The following AFG1L variants were observed in gnomAD, a reference collection of about 807,000 sequenced individuals.
The protein encoded by AFG1L is AFG1 like ATPase.
AFG1L carries 53 observed loss-of-function variants against 62.2 expected under a neutral mutation model. The observed-to-expected ratio is 0.85, with a 90% CI of 0.68 to 1.07. The LOEUF is 1.07. Among genes scored for constraint, AFG1L ranks in the 50% least tolerant of loss-of-function variants. The probability of loss-of-function intolerance (pLI) is 0.00; values close to 1 mark genes in which losing one functional copy is unlikely to be tolerated. For synonymous variants in AFG1L, 228 were observed against 210.3 expected (o/e 1.08, Z -0.73); for missense variants, 555 against 590.5 (o/e 0.94, Z 0.62).
chr6:108,512,855 T>C (rs1399854406), intron 11 of AFG1L, among the ~76,000 whole-genome samples: 1 of 152,196 alleles, frequency 6.6e-6, no homozygotes. Context: ...ATTTCAAAAA[T>C]TGGTAGCATT....
chr6:108,400,979 CT>C (rs1162644098), intron 6 of AFG1L, among the ~76,000 whole-genome samples: 2 of 145,544 alleles, frequency 1.4e-5, no homozygotes. Flanking sequence ...TTCTTTTTTT[CT>C]TTTTTTTTGA....
rs539232525 is a variant in AFG1L at position 108,422,477 on chromosome 6, C to CA, written c.807+20445dup. ...ATATTTTTTTAAAATTAGTCCTCAG[C>CA]AAAAAAAAAAAAAAAAAAAAAAGAA... On this transcript the variant is annotated intron_variant, in intron 7 of 12. Transcript: ENST00000368977. Among the ~76,000 whole-genome samples the CA allele has an allele frequency of 8.5e-3, 390 of 45,788 alleles. 9 individuals are homozygous for CA. Among genetic ancestry groups the CA allele is most frequent in the East Asian group, 0.014 (23 of 1,628 alleles). 30.0% of individuals were successfully genotyped at this position (45,788 alleles called of 152,430 possible).
chr6:108,412,833 A>G (rs1409065191), intron 7 of AFG1L, among the ~76,000 whole-genome samples: 1 of 152,162 alleles, frequency 6.6e-6, no homozygotes, highest in East Asian at 1.9e-4. Context: ...AAAGACCATC[A>G]AGGCTAGGAA....
At chr6:108,307,287 C>T (rs533810867) in intron 1 of AFG1L, among the ~76,000 whole-genome samples, 18 of 152,204 alleles carry the variant, frequency 1.2e-4, no homozygotes, top group East Asian at 1.2e-3. Flanking sequence ...GCTAGGATTA[C>T]GGGCGTGAGC....
At chr6:108,511,195 GAGGAGA>G (rs762593783) in intron 11 of AFG1L, among the ~76,000 whole-genome samples, 101 of 151,980 alleles carry the variant, frequency 6.6e-4, no homozygotes, top group Middle Eastern at 6.8e-3. Flanking sequence ...GAAGGAGAAG[GAGGAGA>G]AGGAGAAGGA....
At chr6:108,306,513 T>G (rs755476599) in intron 1 of AFG1L, among the ~76,000 whole-genome samples, 20 of 152,138 alleles carry the variant, frequency 1.3e-4, no homozygotes, top group Non-Finnish European at 2.6e-4. Context: ...ATTTATTCAT[T>G]TACTCATTCA....
At chr6:108,472,401 A>G (rs1404420525) in intron 8 of AFG1L, among the ~76,000 whole-genome samples, 1 of 152,184 alleles carries the variant, frequency 6.6e-6, no homozygotes, top group African/African-American at 2.4e-5. Context: ...AACCCCTCAC[A>G]CACAAAAGGT....
Position 108,476,897 on chromosome 6 carries a change from ATAAGTTG to A in AFG1L, c.925_931del (p.Lys309LeufsTer11). On this transcript the variant is annotated frameshift_variant, in exon 9 of 13. Coordinates refer to ENST00000368977, the MANE Select transcript of AFG1L (RefSeq NM_145315.5). LOFTEE classifies it high-confidence loss of function. ...GAAGCTGATGTGGAGGCTGTCATGG[ATAAGTTG>A]TTTGATGAGCTGGCTCAGAAACAAA... 6.2e-7 allele frequency: 1 copy of A among 1,614,016 alleles called. No homozygotes were observed. Among genetic ancestry groups the A allele is most frequent in the Non-Finnish European group, 8.5e-7 (1 of 1,179,886 alleles).
intron 7 of AFG1L, among the ~76,000 whole-genome samples, chr6:108,426,796 A>C (rs962640821): frequency 6.6e-6 from 1 of 152,132 alleles, no homozygotes; most frequent in Non-Finnish European, 1.5e-5. Context: ...ACTAAATATT[A>C]AAACTCCCCC....
intron 11 of AFG1L, among the ~76,000 whole-genome samples, chr6:108,516,394 C>G (rs1028374372): frequency 6.6e-6 from 1 of 152,140 alleles, no homozygotes; most frequent in Non-Finnish European, 1.5e-5. Flanking sequence ...GAACCAAAGA[C>G]AAAAACCACA....
intron 1 of AFG1L, among the ~76,000 whole-genome samples, chr6:108,304,830 G>T (rs553142499): frequency 6.6e-6 from 1 of 152,258 alleles, no homozygotes; most frequent in African/African-American, 2.4e-5. Flanking sequence ...ATTTTGATCA[G>T]TTCTGTTTTA....
At chr6:108,377,605 C>G (rs893332308) in intron 6 of AFG1L, among the ~76,000 whole-genome samples, 2 of 152,180 alleles carry the variant, frequency 1.3e-5, no homozygotes, top group Non-Finnish European at 2.9e-5. Context: ...TTTCTGCTGA[C>G]AGGTCCACTG....
At chr6:108,416,817 T>C (rs1170250678) in intron 7 of AFG1L, among the ~76,000 whole-genome samples, 2 of 152,054 alleles carry the variant, frequency 1.3e-5, no homozygotes, top group Non-Finnish European at 2.9e-5. Flanking sequence ...GAGATATACC[T>C]AATGTAAATG....
intron 1 of AFG1L, among the ~76,000 whole-genome samples, chr6:108,304,938 C>A (rs1777147543): frequency 6.6e-6 from 1 of 152,200 alleles, no homozygotes; most frequent in Non-Finnish European, 1.5e-5. Context: ...CTGGATCAAT[C>A]ATTTGATTTG....
chr6:108,396,906 C>T (rs1288534856), intron 6 of AFG1L, among the ~76,000 whole-genome samples: 2 of 152,140 alleles, frequency 1.3e-5, no homozygotes, highest in African/African-American at 4.8e-5. Flanking sequence ...AGCACGTATC[C>T]TTTGTATTAC....
intron 5 of AFG1L, among the ~76,000 whole-genome samples, chr6:108,357,956 G>A (rs111422814): frequency 0.022 from 3,368 of 152,268 alleles, 57 homozygotes; most frequent in Non-Finnish European, 0.034. Flanking sequence ...CTGGGGAAGA[G>A]GGATCTTTGC....
At position 108,525,518 on chromosome 6, in the gene AFG1L, GA is replaced by G. The variant is rs1160821043; in HGVS notation, c.*3100del. ...TAATTTTAAAATTAGTTGGAATATT[GA>G]AAAAAATTAAAATTTCACTTGTAAA... On this transcript the variant is annotated 3_prime_UTR_variant, in exon 13 of 13. Coordinates refer to ENST00000368977, the MANE Select transcript of AFG1L (RefSeq NM_145315.5). 11 of 151,968 alleles carry G rather than the reference GA, an allele frequency of 7.2e-5. No homozygotes were observed. Among genetic ancestry groups the G allele is most frequent in the Non-Finnish European group, 1.5e-4 (10 of 68,006 alleles). The allele number at this position is 151,968 out of a possible 1,614,324, so 9.4% of individuals were successfully genotyped here.
At chr6:108,518,716 A>G (rs1326674784) in intron 11 of AFG1L, among the ~76,000 whole-genome samples, 1 of 152,248 alleles carries the variant, frequency 6.6e-6, no homozygotes, top group African/African-American at 2.4e-5. Context: ...GCTGTTTCCA[A>G]TATATGATCA....
intron 3 of AFG1L, among the ~76,000 whole-genome samples, chr6:108,350,216 T>A (rs1484249725): frequency 6.6e-6 from 1 of 150,508 alleles, no homozygotes; most frequent in African/African-American, 2.4e-5. Flanking sequence ...AATAAATACA[T>A]AAGTAAATAA....
Sources: allele counts gnomAD v4.1 joint callset (sites outside exome capture counted in the v4.1 genomes callset), GRCh38; gene constraint gnomAD v4.1.1; transcripts MANE v1.5; gene names NCBI Gene and HGNC (gene_info 2026-07-23, HGNC 2026-07-21).